PLEKHA5: variants seen among roughly 807,000 people sequenced by gnomAD.
PLEKHA5 encodes the protein pleckstrin homology domain-containing family A member 5.
Under a neutral mutation model 181.9 loss-of-function variants are expected in PLEKHA5, and 55 were observed. That is an observed-to-expected ratio of 0.30 (90% confidence interval 0.24 to 0.38). PLEKHA5 has a LOEUF of 0.38. Among genes scored for constraint, PLEKHA5 ranks in the 10% least tolerant of loss-of-function variants. The probability of loss-of-function intolerance (pLI) is 1.00; values close to 1 mark genes in which losing one functional copy is unlikely to be tolerated. For missense variants in PLEKHA5, 1,432 were observed against 1,549.5 expected (o/e 0.92, Z 1.27); for synonymous variants, 535 against 529.4 (o/e 1.01, Z -0.15).
intron 20 of PLEKHA5, among the ~76,000 whole-genome samples, chr12:19,336,022 A>G (rs550562339): frequency 2.6e-5 from 4 of 152,270 alleles, no homozygotes; most frequent in African/African-American, 4.8e-5. Context: ...TCTCTGTGAT[A>G]TTATTGGTTT....
chr12:19,221,146 A>G (rs1417107280), intron 3 of PLEKHA5, among the ~76,000 whole-genome samples: 1 of 152,144 alleles, frequency 6.6e-6, no homozygotes, highest in Non-Finnish European at 1.5e-5. Context: ...GCTCCTAGGT[A>G]TTTCCCCAAA....
chr12:19,238,866 A>C (rs574328565), intron 3 of PLEKHA5, among the ~76,000 whole-genome samples: 21 of 151,956 alleles, frequency 1.4e-4, no homozygotes, highest in Non-Finnish European at 3.1e-4. Context: ...TGAAATTAAC[A>C]TAAAAGTTTT....
At chr12:19,275,069 T>G (rs773671262) in intron 11 of PLEKHA5, 86 bp downstream of exon 11, 6 of 826,612 alleles carry the variant, frequency 7.3e-6, no homozygotes, top group African/African-American at 3.4e-5. Context: ...GATTAAAATA[T>G]TGGTTTAAAT....
chr12:19,341,866 G>A (rs763049140), intron 21 of PLEKHA5, among the ~76,000 whole-genome samples: 1 of 151,906 alleles, frequency 6.6e-6, no homozygotes, highest in Non-Finnish European at 1.5e-5. Flanking sequence ...CAAGTAGCTG[G>A]GACCACAGAC....
At chr12:19,335,448 C>T (rs2093344250) in intron 20 of PLEKHA5, among the ~76,000 whole-genome samples, 1 of 148,880 alleles carries the variant, frequency 6.7e-6, no homozygotes, top group Non-Finnish European at 1.5e-5. Flanking sequence ...CGGAGTCTCG[C>T]ACTGTCACCC....
intron 3 of PLEKHA5, among the ~76,000 whole-genome samples, chr12:19,185,521 G>A (rs1399509139): frequency 6.6e-6 from 1 of 152,180 alleles, no homozygotes; most frequent in Non-Finnish European, 1.5e-5. Flanking sequence ...AGAGAGAAGA[G>A]TAGGAGGTAA....
intron 3 of PLEKHA5, chr12:19,200,206 A>T: frequency 1.5e-6 from 1 of 683,614 alleles, no homozygotes; most frequent in Admixed American, 2.5e-5. Flanking sequence ...CTTGATCATT[A>T]CACTTTCCAT....
chr12:19,254,145 G>A, intron 4 of PLEKHA5, 122 bp downstream of exon 4: 1 of 678,684 alleles, frequency 1.5e-6, no homozygotes, highest in South Asian at 1.9e-5. Flanking sequence ...TATAATAACA[G>A]AATGCCAGCT....
rs550385474 is a variant in PLEKHA5, at chr12:19,205,336, C to T, written c.228-48604C>T. On this transcript the variant is annotated intron_variant, in intron 3 of 31. Coordinates refer to ENST00000429027, the MANE Select transcript of PLEKHA5 (RefSeq NM_001256470.2). Reference sequence around the variant, plus strand: ...AGTGGAAAGAGCAGAAAAGAGATCACGGTGTGCCCCTTTGTCATCGTTCTG... The same window carrying T: ...AGTGGAAAGAGCAGAAAAGAGATCATGGTGTGCCCCTTTGTCATCGTTCTG... 1.5e-5 allele frequency: 15 copies of T among 979,534 alleles called. No individual in the cohort carries two copies. In the Admixed American group the frequency reaches 1.8e-4, roughly 12 times the overall value. The allele number at this position is 979,534 out of a possible 1,614,324, so 60.7% of individuals were successfully genotyped here.
rs780576085 is a variant in PLEKHA5 at position 19,270,193 on chromosome 12, C to T, written c.833C>T (p.Thr278Ile). 3 of 1,461,610 alleles carry T rather than the reference C, an allele frequency of 2.1e-6. No individual in the cohort carries two copies. The highest frequency in any genetic ancestry group is 1.3e-5 in the South Asian group (1 of 75,386). 90.5% of individuals were successfully genotyped at this position (1,461,610 alleles called of 1,614,324 possible). Residue 278 changes from threonine to isoleucine, a missense_variant, in exon 10 of 32, where the codon ACC becomes ATC. Coordinates refer to ENST00000429027, the MANE Select transcript of PLEKHA5 (RefSeq NM_001256470.2). ...LVQTEPVKRI[T>I]FNFRVDKITS... ...AATGTTCTTTCTTCTTACAGAATTA[C>T]CTTTAATTTCCGGTGAGTACGTTTT...
intron 11 of PLEKHA5, among the ~76,000 whole-genome samples, chr12:19,281,197 A>T (rs536157059): frequency 3.3e-5 from 5 of 151,470 alleles, no homozygotes; most frequent in African/African-American, 1.2e-4. Context: ...ACTGCACTCC[A>T]GCCTGGGTGA....
chr12:19,131,179 C>T (rs1370691089), intron 2 of PLEKHA5, among the ~76,000 whole-genome samples: 1 of 152,180 alleles, frequency 6.6e-6, no homozygotes, highest in African/African-American at 2.4e-5. Context: ...AAGGCGAGGC[C>T]AGTTTCAGCA....
chr12:19,270,272 A>G (rs1592270701), intron 10 of PLEKHA5, 67 bp downstream of exon 10: 1 of 851,936 alleles, frequency 1.2e-6, no homozygotes, highest in Non-Finnish European at 1.7e-6. Context: ...AGTGTTTTTA[A>G]GATTCTAAAT....
At chr12:19,280,175 G>A (rs528922599) in intron 11 of PLEKHA5, among the ~76,000 whole-genome samples, 4 of 147,860 alleles carry the variant, frequency 2.7e-5, no homozygotes, top group Admixed American at 6.9e-5. Flanking sequence ...TCAACCTCCC[G>A]AGTAGCTGGG....
At chr12:19,372,240 C>A (rs1164307641) in intron 31 of PLEKHA5, 2 of 152,190 alleles carry the variant, frequency 1.3e-5, no homozygotes, top group Non-Finnish European at 2.9e-5. Context: ...ACCTCATGAT[C>A]CGCCCACCTC....
chr12:19,181,611 C>T (rs2151848830), intron 3 of PLEKHA5, among the ~76,000 whole-genome samples: 1 of 152,188 alleles, frequency 6.6e-6, no homozygotes, highest in East Asian at 1.9e-4. Flanking sequence ...CCCGTCTCTA[C>T]TAAAAATACA....
chr12:19,170,881 A>G (rs903495667), intron 3 of PLEKHA5, among the ~76,000 whole-genome samples: 5 of 152,240 alleles, frequency 3.3e-5, no homozygotes, highest in Admixed American at 3.3e-4. Flanking sequence ...TGACTGTGCC[A>G]CAGACCCTAC....
chr12:19,246,207 T>G (rs1338204573), intron 3 of PLEKHA5, among the ~76,000 whole-genome samples: 1 of 151,824 alleles, frequency 6.6e-6, no homozygotes, highest in Non-Finnish European at 1.5e-5. Context: ...CTCGAACTCT[T>G]GACCTCGTGA....
chr12:19,188,558 G>A (rs1441141963), intron 3 of PLEKHA5, among the ~76,000 whole-genome samples: 1 of 152,130 alleles, frequency 6.6e-6, no homozygotes, highest in Non-Finnish European at 1.5e-5. Context: ...TTCTGGTTCT[G>A]AAATTTTATT....
Sources: gnomAD v4.1 joint callset for allele counts (sites outside exome capture counted in the v4.1 genomes callset) on GRCh38, gnomAD v4.1.1 for gene constraint, MANE v1.5 for transcripts, NCBI Gene and HGNC (gene_info 2026-07-23, HGNC 2026-07-21) for gene names.